HS3ST3B1: variants seen among roughly 807,000 people sequenced by gnomAD.
HS3ST3B1 encodes heparan sulfate glucosamine 3-O-sulfotransferase 3B1.
In HS3ST3B1, 13 loss-of-function variants were observed where a neutral mutation model predicts 21.3. The ratio of observed to expected loss-of-function variants is 0.61; its 90% CI spans 0.40 to 0.97. The LOEUF is 0.97. Ranked by LOEUF, HS3ST3B1 falls within the 50% of genes least tolerant of loss-of-function variation. The pLI is 0.00. For synonymous variants in HS3ST3B1, 234 were observed against 254.8 expected (o/e 0.92, Z 0.78); for missense variants, 459 against 554.8 (o/e 0.83, Z 1.73).
rs560490744 is a variant in HS3ST3B1, at chr17:14,343,627, G to C, written c.555-1401G>C. Among the ~76,000 whole-genome samples the C allele has an allele frequency of 2.0e-5, 3 of 152,226 alleles. No individual in the cohort carries two copies. The South Asian group carries it at 6.2e-4, about 32-fold the overall frequency. ...CCTGATTTATTTCGCTTAGCATAAT[G>C]TCTTCCAGTTGCATTCATGTTATTG... On this transcript the variant is annotated intron_variant, in intron 1 of 1. Transcript: ENST00000360954.
At chr17:14,323,156 T>C (rs573167622) in intron 1 of HS3ST3B1, among the ~76,000 whole-genome samples, 1 of 152,254 alleles carries the variant, frequency 6.6e-6, no homozygotes, top group African/African-American at 2.4e-5. Flanking sequence ...TCCACCTGCC[T>C]TGGCCTCCCA....
chr17:14,347,959 T>C lies in HS3ST3B1; in HGVS notation c.*2313T>C, dbSNP rs1910625532. The C allele has an allele frequency of 6.6e-6, 1 of 152,228 alleles. No homozygotes were observed. Among genetic ancestry groups the C allele is most frequent in the South Asian group, 2.1e-4 (1 of 4,832 alleles). 9.4% of individuals were successfully genotyped at this position (152,228 alleles called of 1,614,324 possible). A position where few individuals can be genotyped will look rare whatever the true frequency, so the allele number is the denominator to read the frequency against. On this transcript the variant is annotated 3_prime_UTR_variant, in exon 2 of 2. Coordinates refer to ENST00000360954, the MANE Select transcript of HS3ST3B1 (RefSeq NM_006041.3). ...TGCTAATTGGTTGTGTATTTTTTCATTTATTTGAAATCAAACTGAGAACAC... is the reference window on the plus strand; with the variant it reads ...TGCTAATTGGTTGTGTATTTTTTCACTTATTTGAAATCAAACTGAGAACAC...
At position 14,302,146 on chromosome 17, in the gene HS3ST3B1, T is replaced by C. The variant is rs919815456; in HGVS notation, c.554+74T>C. On this transcript the variant is annotated intron_variant, in intron 1 of 1. Transcript: ENST00000360954. ...GAGCTAAGGGAGACATGGCGTATGA[T>C]AGGGAATTGGCAGGGTTACAGCTTC... 121 of 1,481,152 alleles carry C rather than the reference T, an allele frequency of 8.2e-5. No individual in the cohort carries two copies. The African/African-American group carries it at 1.3e-3, about 15-fold the overall frequency. The allele number at this position is 1,481,152 out of a possible 1,614,324, so 91.8% of individuals were successfully genotyped here.
intron 1 of HS3ST3B1, among the ~76,000 whole-genome samples, chr17:14,343,061 G>A (rs570342642): frequency 4.7e-4 from 71 of 152,216 alleles, no homozygotes; most frequent in African/African-American, 1.4e-3. Flanking sequence ...GGCCAACATG[G>A]TGAAACCCCA....
At chr17:14,308,638 C>A (rs1422303024) in intron 1 of HS3ST3B1, among the ~76,000 whole-genome samples, 2 of 152,164 alleles carry the variant, frequency 1.3e-5, no homozygotes. Context: ...AAAAAGTACA[C>A]ACACTATACA....
chr17:14,345,063 C>G lies in HS3ST3B1; in HGVS notation c.590C>G (p.Thr197Ser). Residue 197 changes from threonine (T) to serine (S), a missense_variant, in exon 2 of 2, where the codon ACC becomes AGC. This residue lies in a region of HS3ST3B1 where 15 missense variants were observed against 66.3 expected (regional missense o/e 0.23). Coordinates refer to ENST00000360954, the MANE Select transcript of HS3ST3B1 (RefSeq NM_006041.3). Reference protein sequence around the residue: ...LMPRTLDGQITMEKTPSYFVT... With the variant: ...LMPRTLDGQISMEKTPSYFVT... ...CCCAGAACCCTGGACGGGCAGATCA[C>G]CATGGAGAAGACGCCCAGTTACTTC... The G allele has an allele frequency of 6.3e-7, 1 of 1,585,280 alleles. No individual in the cohort carries two copies. The highest frequency in any genetic ancestry group is 1.2e-5 in the South Asian group (1 of 85,888).
chr17:14,314,009 T>A (rs932356070), intron 1 of HS3ST3B1, among the ~76,000 whole-genome samples: 1 of 150,366 alleles, frequency 6.7e-6, no homozygotes, highest in African/African-American at 2.4e-5. Context: ...GATGGAGTTT[T>A]GCTCTTGTTG....
chr17:14,340,040 AG>A, intron 1 of HS3ST3B1, among the ~76,000 whole-genome samples: 1 of 152,138 alleles, frequency 6.6e-6, no homozygotes, highest in Non-Finnish European at 1.5e-5. Flanking sequence ...GAGCAGCCAA[AG>A]GGGCAAAGAG....
At chr17:14,314,444 C>T (rs894259061) in intron 1 of HS3ST3B1, among the ~76,000 whole-genome samples, 5 of 152,216 alleles carry the variant, frequency 3.3e-5, no homozygotes, top group African/African-American at 4.8e-5. Context: ...ACCTCTGTAT[C>T]CCCTTCTGGT....
chr17:14,327,307 A>T (rs1909849005), intron 1 of HS3ST3B1: 1 of 152,202 alleles, frequency 6.6e-6, no homozygotes, highest in Non-Finnish European at 1.5e-5. Flanking sequence ...AATTAGTGCA[A>T]TTTTTCTCAT....
At chr17:14,302,198 C>T (rs1908959083) in intron 1 of HS3ST3B1, 126 bp downstream of exon 1, 1 of 1,163,844 alleles carries the variant, frequency 8.6e-7, no homozygotes, top group Non-Finnish European at 1.2e-6. Flanking sequence ...GGCAGGGAAA[C>T]TACGGCAGAT....
Position 14,348,802 on chromosome 17 carries a change from T to G in HS3ST3B1, c.*3156T>G, listed in dbSNP as rs980675327. 7.2e-5 allele frequency: 11 copies of G among 152,228 alleles called. No homozygotes were observed. Among genetic ancestry groups the G allele is most frequent in the Non-Finnish European group, 1.2e-4 (8 of 68,044 alleles). 9.4% of individuals were successfully genotyped at this position (152,228 alleles called of 1,614,324 possible). A position where few individuals can be genotyped will look rare whatever the true frequency, so the allele number is the denominator to read the frequency against. Reference sequence around the variant, plus strand: ...GTTTTTCTTGTTTCTATCTAGTTCATGCTTTCTTTGCGGTGTTTGAACAGT... The same window carrying G: ...GTTTTTCTTGTTTCTATCTAGTTCAGGCTTTCTTTGCGGTGTTTGAACAGT... On this transcript the variant is annotated 3_prime_UTR_variant, in exon 2 of 2. Transcript: ENST00000360954.
intron 1 of HS3ST3B1, among the ~76,000 whole-genome samples, chr17:14,308,409 C>T (rs1310838668): frequency 6.6e-6 from 1 of 152,120 alleles, no homozygotes; most frequent in African/African-American, 2.4e-5. Flanking sequence ...ACGCACATTT[C>T]GGTAACTTGA....
chr17:14,333,339 C>T (rs1057034437), intron 1 of HS3ST3B1, among the ~76,000 whole-genome samples: 1 of 151,688 alleles, frequency 6.6e-6, no homozygotes, highest in African/African-American at 2.4e-5. Context: ...TGGTGGCAGG[C>T]GCCTGTAGTC....
intron 1 of HS3ST3B1, among the ~76,000 whole-genome samples, chr17:14,312,919 T>C (rs972898849): frequency 1.2e-4 from 17 of 136,518 alleles, no homozygotes; most frequent in African/African-American, 4.9e-4. Context: ...TTTTTTTTTT[T>C]CCAGAGACAG....
chr17:14,301,311 G>C lies in HS3ST3B1; in HGVS notation c.-208G>C, dbSNP rs1356774676. The stretch of plus-strand genomic sequence containing the variant: ...TTCCGTTCCAGTTGCAGCTCCTGCC[G>C]GGCAACATGTCAAGAGCCGCCGCCG... On this transcript the variant is annotated 5_prime_UTR_variant, in exon 1 of 2. Transcript: ENST00000360954. 1.6e-5 allele frequency: 8 copies of C among 497,352 alleles called. No homozygotes were observed. Among genetic ancestry groups the C allele is most frequent in the South Asian group, 3.5e-5 (1 of 28,864 alleles). The allele number at this position is 497,352 out of a possible 1,614,324, so 30.8% of individuals were successfully genotyped here.
At chr17:14,306,920 G>A (rs1909156261) in intron 1 of HS3ST3B1, among the ~76,000 whole-genome samples, 1 of 152,156 alleles carries the variant, frequency 6.6e-6, no homozygotes, top group Non-Finnish European at 1.5e-5. Flanking sequence ...AGACAGTGGA[G>A]CATGTGTTGA....
chr17:14,336,473 TG>T (rs1209607106), intron 1 of HS3ST3B1, among the ~76,000 whole-genome samples: 1 of 152,174 alleles, frequency 6.6e-6, no homozygotes, highest in East Asian at 1.9e-4. Flanking sequence ...CCTTCAAGGT[TG>T]GTTTTTAATA....
In HS3ST3B1 at chr17:14,346,193, CACA is replaced by C. The variant is rs1237456612; in HGVS notation, c.*548_*550del. The stretch of plus-strand genomic sequence containing the variant: ...GGGTTCTGTCCCTCCCTCCATTCAG[CACA>C]TGGGGAAATTTCTCACTCCCTTTAC... On this transcript the variant is annotated 3_prime_UTR_variant, in exon 2 of 2. Transcript: ENST00000360954. The C allele has an allele frequency of 3.9e-5, 6 of 152,752 alleles. No homozygotes were observed. The highest frequency in any genetic ancestry group is 1.5e-4 in the African/African-American group (6 of 41,274). 9.5% of individuals were successfully genotyped at this position (152,752 alleles called of 1,614,324 possible). A position where few individuals can be genotyped will look rare whatever the true frequency, so the allele number is the denominator to read the frequency against.
Sources: allele counts gnomAD v4.1 joint callset (sites outside exome capture counted in the v4.1 genomes callset), GRCh38; gene constraint gnomAD v4.1.1; regional missense constraint gnomAD v4.1.1; transcripts MANE v1.5; gene names NCBI Gene and HGNC (gene_info 2026-07-23, HGNC 2026-07-21).